Variants in CCSER1 observed in about 807,000 individuals in gnomAD.
CCSER1 encodes coiled-coil serine rich protein 1, also known as serine-rich coiled-coil domain-containing protein 1.
A neutral mutation model predicts 82.0 loss-of-function variants in CCSER1; 41 were observed. The ratio of observed to expected loss-of-function variants is 0.50; its 90% CI spans 0.39 to 0.65. The LOEUF is 0.65. Among genes scored for constraint, CCSER1 ranks in the 30% least tolerant of loss-of-function variants. CCSER1 has a pLI of 0.00. For missense variants in CCSER1, 1,119 were observed against 1,064.2 expected (o/e 1.05, Z -0.72); for synonymous variants, 414 against 383.9 (o/e 1.08, Z -0.92).
At chr4:90,351,338 G>A (rs1286198508) in intron 3 of CCSER1, among the ~76,000 whole-genome samples, 1 of 152,106 alleles carries the variant, frequency 6.6e-6, no homozygotes, top group Non-Finnish European at 1.5e-5. Flanking sequence ...AAAAAGTTGT[G>A]TCTCCCCTTT....
At chr4:90,412,424 C>T in intron 4 of CCSER1, among the ~76,000 whole-genome samples, 1 of 150,762 alleles carries the variant, frequency 6.6e-6, no homozygotes, top group Non-Finnish European at 1.5e-5. Flanking sequence ...ATGTAACAAA[C>T]TTACACGTTG....
intron 9 of CCSER1, among the ~76,000 whole-genome samples, chr4:90,965,817 G>T (rs995223316): frequency 6.6e-6 from 1 of 152,004 alleles, no homozygotes; most frequent in African/African-American, 2.4e-5. Context: ...ATAGTCAAAA[G>T]AACCTATTTT....
At chr4:90,322,856 C>T (rs1170941446) in intron 3 of CCSER1, among the ~76,000 whole-genome samples, 2 of 152,186 alleles carry the variant, frequency 1.3e-5, no homozygotes, top group Non-Finnish European at 2.9e-5. Flanking sequence ...ACAGCTGGAA[C>T]TGCACTGGGT....
intron 10 of CCSER1, among the ~76,000 whole-genome samples, chr4:91,298,363 A>G (rs1420112443): frequency 6.6e-6 from 1 of 151,982 alleles, no homozygotes; most frequent in Non-Finnish European, 1.5e-5. Flanking sequence ...CCAGAGCTCA[A>G]ATGACCACAT....
Position 90,761,642 on chromosome 4 carries a change from T to C in CCSER1, c.2010+37651T>C, listed in dbSNP as rs535675054. 1.9e-4 allele frequency among the ~76,000 whole-genome samples: 29 copies of C among 152,322 alleles called. No homozygotes were observed. In the South Asian group the frequency reaches 3.7e-3, roughly 20 times the overall value. Reference sequence around the variant, plus strand: ...TTAGTCTGTTGGATCTGAGTAAGTGTAATTTTTAGGAGTTCATATCTATAA... The same window carrying C: ...TTAGTCTGTTGGATCTGAGTAAGTGCAATTTTTAGGAGTTCATATCTATAA... On this transcript the variant is annotated intron_variant, in intron 7 of 10. Coordinates refer to ENST00000509176, the MANE Select transcript of CCSER1 (RefSeq NM_001145065.2).
Position 91,379,067 on chromosome 4 carries a change from A to T in CCSER1, c.2218-219505A>T, listed in dbSNP as rs551858653. ...CTGGATTATGTTTATTGATTTGCAT[A>T]TGTTGAACCAGCCTTGCATCCCAGG... is the stretch of plus-strand genomic sequence containing the variant. On this transcript the variant is annotated intron_variant, in intron 10 of 10. Transcript: ENST00000509176. Among the ~76,000 whole-genome samples, 3 of 152,300 alleles carry T rather than the reference A, an allele frequency of 2.0e-5. No homozygotes were observed. In the South Asian group the frequency reaches 6.2e-4, roughly 32 times the overall value.
chr4:90,277,716 TAAA>T (rs60268631), intron 1 of CCSER1, among the ~76,000 whole-genome samples: 2 of 150,856 alleles, frequency 1.3e-5, no homozygotes, highest in African/African-American at 4.9e-5. Flanking sequence ...GCCCTCAAAA[TAAA>T]AAAAAATCCT....
chr4:90,547,982 C>T (rs75416689), intron 5 of CCSER1, among the ~76,000 whole-genome samples: 2,001 of 152,082 alleles, frequency 0.013, 48 homozygotes, highest in African/African-American at 0.044. Context: ...TTTTAGAAAA[C>T]GTATAATTGA....
intron 10 of CCSER1, among the ~76,000 whole-genome samples, chr4:91,372,059 T>G (rs1334554738): frequency 6.6e-6 from 1 of 152,214 alleles, no homozygotes. Flanking sequence ...TAAAAATAGA[T>G]AAATTCATTT....
At chr4:90,694,176 A>G (rs1736553755) in intron 6 of CCSER1, among the ~76,000 whole-genome samples, 1 of 152,002 alleles carries the variant, frequency 6.6e-6, no homozygotes, top group South Asian at 2.1e-4. Context: ...ACAAATCCCA[A>G]TTTTGTTGTA....
At chr4:90,391,444 GTATATATA>G (rs770320334) in intron 3 of CCSER1, among the ~76,000 whole-genome samples, 2,387 of 37,372 alleles carry the variant, frequency 0.064, 120 homozygotes, top group East Asian at 0.25. Context: ...ATATATGGGG[GTATATATA>G]TATATATATA....
chr4:91,194,211 C>T (rs563177443), intron 10 of CCSER1, among the ~76,000 whole-genome samples: 5 of 152,292 alleles, frequency 3.3e-5, no homozygotes, highest in African/African-American at 1.2e-4. Context: ...CTCAGGTGAT[C>T]TGCCTGCCTT....
intron 10 of CCSER1, among the ~76,000 whole-genome samples, chr4:91,203,149 C>T (rs1466793521): frequency 6.6e-6 from 1 of 151,886 alleles, no homozygotes; most frequent in African/African-American, 2.4e-5. Flanking sequence ...ACATCCTCTC[C>T]AGCACCTGTT....
intron 10 of CCSER1, among the ~76,000 whole-genome samples, chr4:91,129,240 C>T (rs1383574954): frequency 1.3e-5 from 2 of 151,886 alleles, no homozygotes; most frequent in Non-Finnish European, 2.9e-5. Flanking sequence ...TATCCCAAAA[C>T]TTAAAAATAA....
At chr4:91,539,069 G>T (rs1478868374) in intron 10 of CCSER1, among the ~76,000 whole-genome samples, 1 of 151,814 alleles carries the variant, frequency 6.6e-6, no homozygotes, top group African/African-American at 2.4e-5. Flanking sequence ...TCTCACTTTT[G>T]CCTTCTCTAG....
At chr4:91,271,076 A>G (rs1741990252) in intron 10 of CCSER1, among the ~76,000 whole-genome samples, 1 of 152,028 alleles carries the variant, frequency 6.6e-6, no homozygotes, top group African/African-American at 2.4e-5. Flanking sequence ...TAATATATTA[A>G]ATATTGTTGT....
intron 10 of CCSER1, among the ~76,000 whole-genome samples, chr4:91,147,152 C>G (rs1007776030): frequency 3.8e-4 from 58 of 152,182 alleles, no homozygotes; most frequent in African/African-American, 1.4e-3. Flanking sequence ...GATATGTCTG[C>G]AGTTGGTCTG....
chr4:91,182,138 G>C (rs191277656), intron 10 of CCSER1, among the ~76,000 whole-genome samples: 1 of 152,120 alleles, frequency 6.6e-6, no homozygotes, highest in Non-Finnish European at 1.5e-5. Context: ...ATGACAGTTG[G>C]GGTCCTCCTC....
chr4:91,536,377 T>TAG (rs149494041), intron 10 of CCSER1, among the ~76,000 whole-genome samples: 5 of 151,808 alleles, frequency 3.3e-5, no homozygotes, highest in African/African-American at 9.7e-5. Flanking sequence ...CAGTACATGA[T>TAG]AGAGAGAGAG....
Sources: allele counts gnomAD v4.1 joint callset (sites outside exome capture counted in the v4.1 genomes callset), GRCh38; gene constraint gnomAD v4.1.1; transcripts MANE v1.5; gene names NCBI Gene and HGNC (gene_info 2026-07-23, HGNC 2026-07-21).